STARD8: variants seen among roughly 807,000 people sequenced by gnomAD.
STARD8 encodes the protein StAR related lipid transfer domain containing 8.
A neutral mutation model predicts 69.4 loss-of-function variants in STARD8; 25 were observed. That is an observed-to-expected ratio of 0.36 (90% CI 0.26 to 0.50). The LOEUF (loss-of-function observed/expected upper bound fraction) is 0.50. Ranked by LOEUF, STARD8 falls within the 20% of genes least tolerant of loss-of-function variation. The probability of loss-of-function intolerance (pLI) is 0.96; values close to 1 mark genes in which losing one functional copy is unlikely to be tolerated. For missense variants in STARD8, 921 were observed against 932.5 expected (o/e 0.99, Z 0.16); for synonymous variants, 389 against 374.6 (o/e 1.04, Z -0.45).
chrX:68,711,512 A>G (rs2080050866), intron 2 of STARD8, among the ~76,000 whole-genome samples: 1 of 111,859 alleles, frequency 8.9e-6, no homozygotes, highest in African/African-American at 3.3e-5. Flanking sequence ...CAAAACCTGC[A>G]GGGGCTCCAG....
At chrX:68,701,757 G>A (rs902123327) in intron 2 of STARD8, among the ~76,000 whole-genome samples, 7 of 112,033 alleles carry the variant, frequency 6.2e-5, no homozygotes, top group Non-Finnish European at 1.1e-4. Flanking sequence ...AGTACTGGGG[G>A]TGGAGAACAG....
At position 68,719,311 on chromosome X, in the gene STARD8, A is replaced by G; in HGVS notation, c.1802A>G (p.Gln601Arg). The change falls in exon 7 of 15, where the codon CAG becomes CGG. Residue 601 changes from glutamine to arginine, a missense_variant. Transcript: ENST00000374599. Reference protein sequence around the residue: ...SLEINRQFAGQINLLHKGSLL... With the variant: ...SLEINRQFAGRINLLHKGSLL... Reference sequence around the variant, plus strand: ...GAGATCAACCGGCAGTTTGCAGGCCAGATCAACCTCCTGCACAAGGGCTCA... The same window carrying G: ...GAGATCAACCGGCAGTTTGCAGGCCGGATCAACCTCCTGCACAAGGGCTCA... 1.7e-6 allele frequency: 2 copies of G among 1,209,795 alleles called. No homozygotes were observed. Among genetic ancestry groups the G allele is most frequent in the Non-Finnish European group, 2.2e-6 (2 of 894,386 alleles).
intron 6 of STARD8, among the ~76,000 whole-genome samples, chrX:68,718,954 G>T: frequency 9.1e-6 from 1 of 110,474 alleles, no homozygotes; most frequent in Non-Finnish European, 1.9e-5. Context: ...CCCCTCCACA[G>T]TAGTCTTGGG....
At chrX:68,650,138 G>T in intron 1 of STARD8, among the ~76,000 whole-genome samples, 1 of 111,314 alleles carries the variant, frequency 9.0e-6, no homozygotes, top group East Asian at 2.8e-4. Context: ...AAACTGTTGG[G>T]CTAGGTTAAG....
At chrX:68,667,827 C>T (rs12853857) in intron 2 of STARD8, among the ~76,000 whole-genome samples, 1 of 110,390 alleles carries the variant, frequency 9.1e-6, no homozygotes, top group African/African-American at 3.3e-5. Context: ...CTGTGCCACT[C>T]GTGGTGGAAT....
chrX:68,657,297 G>T (rs996971829), intron 1 of STARD8, among the ~76,000 whole-genome samples: 7 of 111,623 alleles, frequency 6.3e-5, no homozygotes, highest in Admixed American at 1.9e-4. Flanking sequence ...TGTGTGTGTG[G>T]GGGAGTTTCC....
chrX:68,711,951 C>T (rs755501541), intron 2 of STARD8, among the ~76,000 whole-genome samples: 2 of 113,127 alleles, frequency 1.8e-5, no homozygotes, highest in Admixed American at 1.8e-4. Context: ...TTCATCTTGG[C>T]ATCACCTGGG....
At chrX:68,655,466 T>C (rs901382508) in intron 1 of STARD8, among the ~76,000 whole-genome samples, 2 of 111,787 alleles carry the variant, frequency 1.8e-5, no homozygotes, top group African/African-American at 6.5e-5. Flanking sequence ...AAATAACCTG[T>C]CAGCTGGGTG....
intron 2 of STARD8, among the ~76,000 whole-genome samples, chrX:68,698,835 C>T (rs915719792): frequency 2.7e-5 from 3 of 111,450 alleles, no homozygotes; most frequent in Non-Finnish European, 3.8e-5. Context: ...GGCAGGCAGA[C>T]TCAGTGGTCT....
At chrX:68,654,036 C>G (rs1348993557) in intron 1 of STARD8, among the ~76,000 whole-genome samples, 2 of 111,481 alleles carry the variant, frequency 1.8e-5, no homozygotes, top group Admixed American at 9.5e-5. Context: ...GGTCAATTCT[C>G]TCTCCTGTCC....
At chrX:68,651,355 A>C (rs2079547196) in intron 1 of STARD8, among the ~76,000 whole-genome samples, 1 of 111,317 alleles carries the variant, frequency 9.0e-6, no homozygotes, top group Non-Finnish European at 1.9e-5. Context: ...GCTAAGAGGC[A>C]GCCTGCCGGA....
Position 68,725,683 on chromosome X carries a change from GACAC to G in STARD8, c.*1267_*1270del, listed in dbSNP as rs200490130. On this transcript the variant is annotated 3_prime_UTR_variant, in exon 15 of 15. Transcript: ENST00000374599. ...ATATATACACACACGCATTTGCACA[GACAC>G]ACACATATATCAATTCTCATGAGTG... 1.9e-5 allele frequency: 2 copies of G among 106,753 alleles called. No individual in the cohort carries two copies. The highest frequency in any genetic ancestry group is 3.9e-5 in the Non-Finnish European group (2 of 51,911). 8.8% of individuals were successfully genotyped at this position (106,753 alleles called of 1,213,427 possible).
At chrX:68,652,922 A>G (rs1216466240) in intron 1 of STARD8, among the ~76,000 whole-genome samples, 1 of 42,407 alleles carries the variant, frequency 2.4e-5, no homozygotes, top group Non-Finnish European at 4.2e-5. Context: ...CCACACACAC[A>G]CATCACACAC....
intron 2 of STARD8, among the ~76,000 whole-genome samples, chrX:68,689,451 C>T (rs2079859608): frequency 8.9e-6 from 1 of 112,127 alleles, no homozygotes; most frequent in Admixed American, 9.3e-5. Flanking sequence ...GGGGCCCAGC[C>T]TTCCATCAGG....
intron 2 of STARD8, among the ~76,000 whole-genome samples, chrX:68,688,135 G>A (rs59504053): frequency 0.12 from 13,530 of 112,090 alleles, 1,927 homozygotes; most frequent in African/African-American, 0.41. Flanking sequence ...GGAAAGGGGG[G>A]AGCTGTGCTT....
rs141112921 is a variant in STARD8 at position 68,720,404 on chromosome X, G to A, written c.2030G>A (p.Arg677His). ...QSIQQAMRYL[R>H]SQCLDQVGIF... ...ATTCAGCAAGCCATGCGCTACTTGCGCAGCCAGTGCCTGGACCAAGTGAGC... is the reference window on the plus strand; with the variant it reads ...ATTCAGCAAGCCATGCGCTACTTGCACAGCCAGTGCCTGGACCAAGTGAGC... The change falls in exon 8 of 15, where the codon CGC becomes CAC. Residue 677 changes from arginine to histidine, a missense_variant. Transcript: ENST00000374599. 576 of 1,183,876 alleles carry A rather than the reference G, an allele frequency of 4.9e-4. 2 individuals are homozygous for A. In the Middle Eastern group the frequency reaches 9.6e-3, roughly 20 times the overall value.
intron 2 of STARD8, among the ~76,000 whole-genome samples, chrX:68,673,627 A>T (rs1696115388): frequency 8.9e-6 from 1 of 112,432 alleles, no homozygotes; most frequent in Admixed American, 9.4e-5. Context: ...GAACATGGTT[A>T]GTTCACAGAT....
intron 2 of STARD8, among the ~76,000 whole-genome samples, chrX:68,681,568 A>G (rs1224117398): frequency 1.8e-5 from 2 of 112,715 alleles, no homozygotes; most frequent in Non-Finnish European, 3.8e-5. Flanking sequence ...GACCAAAAGC[A>G]ACAAACCCCA....
At chrX:68,668,095 T>G (rs754206886) in intron 2 of STARD8, among the ~76,000 whole-genome samples, 9 of 98,320 alleles carry the variant, frequency 9.2e-5, no homozygotes, top group African/African-American at 3.6e-4. Context: ...CTTTCTTTCT[T>G]TCTTTCTTTC....
Sources: gnomAD v4.1 joint callset for allele counts (sites outside exome capture counted in the v4.1 genomes callset) on GRCh38, gnomAD v4.1.1 for gene constraint, MANE v1.5 for transcripts, NCBI Gene and HGNC (gene_info 2026-07-23, HGNC 2026-07-21) for gene names.